Variants in MAP3K4 observed in about 807,000 individuals in gnomAD.
MAP3K4 encodes the protein mitogen-activated protein kinase kinase kinase 4.
Under a neutral mutation model 185.6 loss-of-function variants are expected in MAP3K4, and 67 were observed. The observed-to-expected ratio is 0.36, with a 90% CI of 0.30 to 0.44. The LOEUF (loss-of-function observed/expected upper bound fraction) is 0.44, where lower values mean the gene tolerates loss of function less well. Among genes scored for constraint, MAP3K4 ranks in the 20% least tolerant of loss-of-function variants. The pLI, the probability that MAP3K4 is intolerant of heterozygous loss-of-function variation, is 1.00. For synonymous variants in MAP3K4, 702 were observed against 710.4 expected, an observed-to-expected ratio of 0.99 and a Z score of 0.19; for missense variants, 1,551 against 1,995.1, an observed-to-expected ratio of 0.78 and a Z score of 4.24.
At position 161,091,056 on chromosome 6, in the gene MAP3K4, A is replaced by G. The variant is rs1583220162; in HGVS notation, c.2974-323A>G. 6.6e-6 allele frequency among the ~76,000 whole-genome samples: 1 copy of G among 152,144 alleles called. No individual in the cohort carries two copies. Among genetic ancestry groups the G allele is most frequent in the South Asian group, 2.1e-4 (1 of 4,822 alleles). On this transcript the variant is annotated intron_variant, in intron 11 of 26. Transcript: ENST00000392142. This position sits in a 1 kb window ranked among gnomAD's most constrained non-coding sequence, Gnocchi z 5.5. ...GGACTTTTTCACTCTGTGGAATTGCACCCGTACTTATGGTTGAGCAACCGT... is the reference window on the plus strand; with the variant it reads ...GGACTTTTTCACTCTGTGGAATTGCGCCCGTACTTATGGTTGAGCAACCGT...
Position 161,101,761 on chromosome 6 carries a change from C to A in MAP3K4, c.3675-131C>A. The A allele has an allele frequency of 1.4e-6, 1 of 719,160 alleles. No individual in the cohort carries two copies. The highest frequency in any genetic ancestry group is 2.3e-6 in the Non-Finnish European group (1 of 427,780). 44.5% of individuals were successfully genotyped at this position (719,160 alleles called of 1,614,324 possible). A position where few individuals can be genotyped will look rare whatever the true frequency, so the allele number is the denominator to read the frequency against. Reference sequence around the variant, plus strand: ...CCTCCCAAAAGTGTCTAATACATTGCTGGAGGCAGAGTTGTTCCTGGCAGG... The same window carrying A: ...CCTCCCAAAAGTGTCTAATACATTGATGGAGGCAGAGTTGTTCCTGGCAGG... On this transcript the variant is annotated intron_variant, in intron 17 of 26. Transcript: ENST00000392142. The surrounding 1 kb of genome is among the most constrained non-coding windows in gnomAD (Gnocchi z 5.1).
chr6:161,043,252 C>G lies in MAP3K4; in HGVS notation c.344-5364C>G, dbSNP rs1783569088. On this transcript the variant is annotated intron_variant, in intron 2 of 26. Coordinates refer to ENST00000392142, the MANE Select transcript of MAP3K4 (RefSeq NM_005922.4). The surrounding 1 kb of genome is among the most constrained non-coding windows in gnomAD (Gnocchi z 4.3). ...GGCTTCCATATACAGGCTCAGTGTT[C>G]AGCCACACTCTTTTCTTTGCTGCCC... Among the ~76,000 whole-genome samples the G allele has an allele frequency of 6.6e-6, 1 of 152,138 alleles. No homozygotes were observed. Among genetic ancestry groups the G allele is most frequent in the African/African-American group, 2.4e-5 (1 of 41,422 alleles).
rs112812174 is a variant in MAP3K4 at position 161,109,778 on chromosome 6, G to A, written c.4260G>A (p.Glu1420=). The change falls in exon 23 of 27, where the codon GAG becomes GAA. Residue 1420 remains glutamate, a synonymous_variant. Transcript: ENST00000392142. The surrounding 1 kb of genome is among the most constrained non-coding windows in gnomAD (Gnocchi z 5.7). ...AGGAAGAAATGTACATCTTCATGGA[G>A]TACTGCGATGAGGGGACTTTAGAAG... ...LHREEMYIFM[E]YCDEGTLEEV... 6.2e-7 allele frequency: 1 copy of A among 1,614,130 alleles called. No individual in the cohort carries two copies.
rs535936912 is a variant in MAP3K4, at chr6:161,054,358, T to G, written c.1707+4379T>G. Among the ~76,000 whole-genome samples, 3 of 152,300 alleles carry G rather than the reference T, an allele frequency of 2.0e-5. No individual in the cohort carries two copies. The highest frequency in any genetic ancestry group is 7.2e-5 in the African/African-American group (3 of 41,580). ...TTAGTAGAGATGGTGTTTCACCATG[T>G]TGGTCAGGCTGGTCTCAAACTCCTG... On this transcript the variant is annotated intron_variant, in intron 3 of 26. Transcript: ENST00000392142. This position sits in a 1 kb window ranked among gnomAD's most constrained non-coding sequence, Gnocchi z 4.2.
intron 13 of MAP3K4, 54 bp from the exon 14 acceptor site, chr6:161,092,924 T>C: frequency 9.6e-7 from 1 of 1,045,546 alleles, no homozygotes; most frequent in Non-Finnish European, 1.5e-6. Flanking sequence ...AGTCTAAAAC[T>C]GCTACAGCGT....
chr6:161,024,568 A>G (rs922355107), intron 1 of MAP3K4, among the ~76,000 whole-genome samples: 3 of 152,116 alleles, frequency 2.0e-5, no homozygotes, highest in Non-Finnish European at 2.9e-5. Context: ...TGACTTTGAC[A>G]GTTTTGAGAA....
Position 161,106,517 on chromosome 6 carries a change from C to G in MAP3K4, c.3860C>G (p.Thr1287Ser). 1 of 1,605,048 alleles carries G rather than the reference C, an allele frequency of 6.2e-7. No individual in the cohort carries two copies. The highest frequency in any genetic ancestry group is 8.5e-7 in the Non-Finnish European group (1 of 1,176,154). Residue 1287 changes from threonine to serine, a missense_variant, in exon 20 of 27, where the codon ACT (threonine) becomes AGT (serine). Coordinates refer to ENST00000392142, the MANE Select transcript of MAP3K4 (RefSeq NM_005922.4). This position sits in a 1 kb window ranked among gnomAD's most constrained non-coding sequence, Gnocchi z 4.9. Reference protein sequence around the residue: ...LRTLISQSKDTASKLGPIEAI... With the variant: ...LRTLISQSKDSASKLGPIEAI... ...GAGGTTTTGGTTCTCTCTGCAGATA[C>G]TGCTTCTAAACTAGGACCCATAGAA...
chr6:161,087,718 A>T lies in MAP3K4; in HGVS notation c.2587A>T (p.Met863Leu). Residue 863 changes from methionine (M) to leucine (L), a missense_variant, in exon 10 of 27, where the codon ATG becomes TTG. This residue lies in a region of MAP3K4 where 261 missense variants were observed against 306.5 expected (regional missense o/e 0.85). Transcript: ENST00000392142. The surrounding 1 kb of genome is among the most constrained non-coding windows in gnomAD (Gnocchi z 4.9). ...AATTCCTGGGTTAGAAAACTTGCAA[A>T]TGTTTGTTCCAGACACTCTTGCTGA... The part of the protein sequence containing the change: ...VQIPGLENLQ[M>L]FVPDTLAEEK... 6.2e-7 allele frequency: 1 copy of T among 1,614,138 alleles called. No individual in the cohort carries two copies. The highest frequency in any genetic ancestry group is 8.5e-7 in the Non-Finnish European group (1 of 1,180,024).
Position 161,049,750 on chromosome 6 carries a change from A to C in MAP3K4, c.1478A>C (p.Lys493Thr), listed in dbSNP as rs1783916937. 1 of 1,614,170 alleles carries C rather than the reference A, an allele frequency of 6.2e-7. No homozygotes were observed. The change falls in exon 3 of 27, where the codon AAG becomes ACG. Residue 493 changes from lysine (K) to threonine (T), a missense_variant. Transcript: ENST00000392142. The surrounding 1 kb of genome is among the most constrained non-coding windows in gnomAD (Gnocchi z 8.4). The stretch of plus-strand genomic sequence containing the variant: ...CAGTCGCGGGACTGCATATCCAAGA[A>C]GCTTGAGAGGCTCGAATCTGAGGAT... ...DIQSRDCISK[K>T]LERLESEDDS...
At chr6:161,047,689 C>G (rs568469060) in intron 2 of MAP3K4, among the ~76,000 whole-genome samples, 2 of 152,190 alleles carry the variant, frequency 1.3e-5, no homozygotes, top group Admixed American at 1.3e-4. Context: ...GTGAGCAAAG[C>G]TCCAAGGAGG....
chr6:161,050,123 G>T lies in MAP3K4; in HGVS notation c.1707+144G>T. On this transcript the variant is annotated intron_variant, in intron 3 of 26. Coordinates refer to ENST00000392142, the MANE Select transcript of MAP3K4 (RefSeq NM_005922.4). ...ATAAATTGCACATTTAAGCATTTCT[G>T]TAAAGTACTATGATTAAATAGATCT... 3.9e-6 allele frequency: 3 copies of T among 774,658 alleles called. No individual in the cohort carries two copies. The South Asian group carries it at 5.9e-5, about 15-fold the overall frequency. The allele number at this position is 774,658 out of a possible 1,614,324, so 48.0% of individuals were successfully genotyped here.
chr6:161,101,694 T>C lies in MAP3K4; in HGVS notation c.3675-198T>C. 1.8e-6 allele frequency: 1 copy of C among 541,536 alleles called. No homozygotes were observed. Among genetic ancestry groups the C allele is most frequent in the Non-Finnish European group, 3.3e-6 (1 of 302,118 alleles). The allele number at this position is 541,536 out of a possible 1,614,324, so 33.5% of individuals were successfully genotyped here. On this transcript the variant is annotated intron_variant, in intron 17 of 26. Coordinates refer to ENST00000392142, the MANE Select transcript of MAP3K4 (RefSeq NM_005922.4). This position sits in a 1 kb window ranked among gnomAD's most constrained non-coding sequence, Gnocchi z 5.1. ...CTTAGGGGGCTGATTCTGGTGGGTC[T>C]GTCCTGTGCGTTTTCCGCTGCCCAC...
intron 5 of MAP3K4, among the ~76,000 whole-genome samples, chr6:161,078,780 G>A (rs1052322543): frequency 4.6e-5 from 7 of 152,324 alleles, no homozygotes; most frequent in Admixed American, 6.5e-5. Flanking sequence ...AGGAAAGACT[G>A]TTAGATGAAG....
rs1021072784 is a variant in MAP3K4 at position 161,071,230 on chromosome 6, G to C, written c.1950+380G>C. Among the ~76,000 whole-genome samples, 2 of 152,098 alleles carry C rather than the reference G, an allele frequency of 1.3e-5. No homozygotes were observed. Among genetic ancestry groups the C allele is most frequent in the Non-Finnish European group, 2.9e-5 (2 of 68,014 alleles). On this transcript the variant is annotated intron_variant, in intron 4 of 26. Coordinates refer to ENST00000392142, the MANE Select transcript of MAP3K4 (RefSeq NM_005922.4). The surrounding 1 kb of genome is among the most constrained non-coding windows in gnomAD (Gnocchi z 4.6). ...CTAGAATAGGCATGGGGAGGGGTTT[G>C]GACTTTCTGCTTGCTTAAGCAGTGG... is the stretch of plus-strand genomic sequence containing the variant.
At position 161,098,440 on chromosome 6, in the gene MAP3K4, C is replaced by T; in HGVS notation, c.3674+13C>T. On this transcript the variant is annotated intron_variant, in intron 17 of 26. Coordinates refer to ENST00000392142, the MANE Select transcript of MAP3K4 (RefSeq NM_005922.4). This position sits in a 1 kb window ranked among gnomAD's most constrained non-coding sequence, Gnocchi z 4.4. ...CCCATGATACCAGGTAGTCTCACCC[C>T]ACCAGTGTCCCGTACCCTCACCACC... 1 of 1,609,894 alleles carries T rather than the reference C, an allele frequency of 6.2e-7. No individual in the cohort carries two copies. The highest frequency in any genetic ancestry group is 8.5e-7 in the Non-Finnish European group (1 of 1,177,242).
In MAP3K4 at chr6:161,044,732, A is replaced by G. The variant is rs767344647; in HGVS notation, c.344-3884A>G. On this transcript the variant is annotated intron_variant, in intron 2 of 26. Coordinates refer to ENST00000392142, the MANE Select transcript of MAP3K4 (RefSeq NM_005922.4). ...TATTTGGCTCATGGTTCTGTATGCT[A>G]TACAAGCGTGGCACCAATATCAACT... Among the ~76,000 whole-genome samples, 17 of 152,340 alleles carry G rather than the reference A, an allele frequency of 1.1e-4. No homozygotes were observed. In the South Asian group the frequency reaches 1.9e-3, roughly 17 times the overall value.
rs1442874596 is a variant in MAP3K4, at chr6:161,056,159, A to AT, written c.1707+6184dup. The stretch of plus-strand genomic sequence containing the variant: ...ATATGCTCCCCTCTTTTGTTGTATT[A>AT]TTTTCCTTTTGATTTGCTTTTTGAA... On this transcript the variant is annotated intron_variant, in intron 3 of 26. Transcript: ENST00000392142. This position sits in a 1 kb window ranked among gnomAD's most constrained non-coding sequence, Gnocchi z 5.4. Among the ~76,000 whole-genome samples, 1 of 151,546 alleles carries AT rather than the reference A, an allele frequency of 6.6e-6. No homozygotes were observed. Among genetic ancestry groups the AT allele is most frequent in the African/African-American group, 2.4e-5 (1 of 41,170 alleles).
chr6:161,059,908 A>T (rs1240302797), intron 3 of MAP3K4, among the ~76,000 whole-genome samples: 2 of 149,826 alleles, frequency 1.3e-5, no homozygotes, highest in African/African-American at 4.9e-5. Flanking sequence ...TTTATCCTGT[A>T]GGGTCTGAAT....
chr6:161,026,982 A>T (rs567045114), intron 1 of MAP3K4, among the ~76,000 whole-genome samples: 2 of 151,896 alleles, frequency 1.3e-5, no homozygotes, highest in Non-Finnish European at 2.9e-5. Context: ...TTCTATCTTT[A>T]TGCATTCTTT....
Sources: allele counts gnomAD v4.1 joint callset (sites outside exome capture counted in the v4.1 genomes callset), GRCh38; gene constraint gnomAD v4.1.1; regional missense constraint gnomAD v4.1.1; non-coding constraint Gnocchi (gnomAD v3.1); transcripts MANE v1.5; gene names NCBI Gene and HGNC (gene_info 2026-07-23, HGNC 2026-07-21).